GNG4: variants seen among roughly 807,000 people sequenced by gnomAD.
GNG4 encodes G protein subunit gamma 4.
A neutral mutation model predicts 5.8 loss-of-function variants in GNG4; 4 were observed. The ratio of observed to expected loss-of-function variants is 0.69; its 90% CI spans 0.34 to 1.57. GNG4 has a LOEUF of 1.57. Among genes scored for constraint, GNG4 ranks in the 40% most tolerant of loss-of-function variants. The pLI is 0.06. For synonymous variants in GNG4, 29 were observed against 32.9 expected (o/e 0.88, Z 0.41); for missense variants, 96 against 95.1 (o/e 1.01, Z -0.04).
intron 1 of GNG4, among the ~76,000 whole-genome samples, chr1:235,628,750 A>G (rs995798603): frequency 2.1e-4 from 32 of 152,192 alleles, no homozygotes; most frequent in African/African-American, 7.0e-4. Context: ...CATCAGCCCT[A>G]TTCACTTTGA....
At chr1:235,563,453 T>C (rs1466093647) in intron 3 of GNG4, among the ~76,000 whole-genome samples, 1 of 148,902 alleles carries the variant, frequency 6.7e-6, no homozygotes, top group African/African-American at 2.5e-5. Flanking sequence ...TTTATAGCCT[T>C]AATATGTTTA....
At chr1:235,565,818 T>C (rs1687179600) in intron 3 of GNG4, 1 of 152,230 alleles carries the variant, frequency 6.6e-6, no homozygotes, top group Non-Finnish European at 1.5e-5. Flanking sequence ...TGCCCAGTCG[T>C]TCCTATGGAG....
chr1:235,637,533 A>G (rs972996364), intron 1 of GNG4, among the ~76,000 whole-genome samples: 6 of 152,100 alleles, frequency 3.9e-5, no homozygotes, highest in African/African-American at 1.4e-4. Flanking sequence ...CGTGCCTGCA[A>G]TACCAGCTAC....
At chr1:235,641,773 G>C (rs1460067108) in intron 1 of GNG4, among the ~76,000 whole-genome samples, 2 of 152,122 alleles carry the variant, frequency 1.3e-5, no homozygotes, top group African/African-American at 4.8e-5. Context: ...GCTCATTTGG[G>C]AGGTCACCTT....
intron 1 of GNG4, among the ~76,000 whole-genome samples, chr1:235,628,896 G>A (rs1688876174): frequency 6.6e-6 from 1 of 151,680 alleles, no homozygotes; most frequent in Admixed American, 6.6e-5. Flanking sequence ...AGCTTCCTTT[G>A]GTTCTGAGCA....
chr1:235,594,661 G>C (rs912519505), intron 2 of GNG4, among the ~76,000 whole-genome samples: 32 of 152,206 alleles, frequency 2.1e-4, no homozygotes, highest in African/African-American at 7.5e-4. Context: ...CGGGGCTTGC[G>C]GGCCGGCCGC....
chr1:235,573,073 A>C (rs1030038913), intron 3 of GNG4, among the ~76,000 whole-genome samples: 3 of 152,126 alleles, frequency 2.0e-5, no homozygotes, highest in African/African-American at 7.2e-5. Flanking sequence ...ACTTGGAACC[A>C]ACCCAAATGT....
At chr1:235,586,211 A>G (rs1687755500) in intron 2 of GNG4, among the ~76,000 whole-genome samples, 5 of 152,196 alleles carry the variant, frequency 3.3e-5, no homozygotes, top group Admixed American at 3.3e-4. Context: ...AAGGAGAATC[A>G]CGACAAGTTG....
chr1:235,602,101 G>A (rs896147811), intron 1 of GNG4, among the ~76,000 whole-genome samples: 29 of 152,170 alleles, frequency 1.9e-4, no homozygotes, highest in Admixed American at 5.9e-4. Flanking sequence ...GTGAAACCCC[G>A]TCTCTACTAA....
At chr1:235,620,089 C>T (rs1294856277) in intron 1 of GNG4, among the ~76,000 whole-genome samples, 1 of 152,210 alleles carries the variant, frequency 6.6e-6, no homozygotes, top group South Asian at 2.1e-4. Flanking sequence ...GGAGGTTGGG[C>T]GTGGTGGCTC....
intron 1 of GNG4, among the ~76,000 whole-genome samples, chr1:235,631,289 G>A (rs1306322158): frequency 6.6e-6 from 1 of 152,176 alleles, no homozygotes; most frequent in Admixed American, 6.5e-5. Flanking sequence ...CCCCCTCAGT[G>A]GAGCCCTGAA....
At chr1:235,586,363 T>C (rs972255837) in intron 2 of GNG4, among the ~76,000 whole-genome samples, 1 of 151,724 alleles carries the variant, frequency 6.6e-6, no homozygotes, top group Admixed American at 6.6e-5. Context: ...TGCCAGTCTG[T>C]GTGTGGCCAT....
At chr1:235,607,884 G>A (rs1226113107) in intron 1 of GNG4, among the ~76,000 whole-genome samples, 1 of 151,722 alleles carries the variant, frequency 6.6e-6, no homozygotes. Flanking sequence ...GGCTGTCCAA[G>A]AAAGATGAGG....
intron 2 of GNG4, among the ~76,000 whole-genome samples, chr1:235,587,198 AG>A (rs1293556925): frequency 7.9e-6 from 1 of 126,230 alleles, no homozygotes. Context: ...TGTGTGTGAC[AG>A]AAAGTATGTG....
At chr1:235,567,344 A>T (rs1379150218) in intron 3 of GNG4, among the ~76,000 whole-genome samples, 1 of 152,184 alleles carries the variant, frequency 6.6e-6, no homozygotes, top group Non-Finnish European at 1.5e-5. Context: ...GCATCGTCTT[A>T]ACTATTTTTA....
intron 2 of GNG4, among the ~76,000 whole-genome samples, chr1:235,594,234 C>G (rs1348808343): frequency 6.6e-6 from 1 of 152,188 alleles, no homozygotes; most frequent in Non-Finnish European, 1.5e-5. Flanking sequence ...AAACCCTGAG[C>G]TAGACACAGG....
In GNG4 at chr1:235,595,969, T is replaced by A. The variant is rs544093273; in HGVS notation, c.-122-458A>T. On this transcript the variant is annotated intron_variant, in intron 1 of 3. Transcript: ENST00000391854. ...GCGGGCGGATCACGAGGTCAGGAGA[T>A]CGAGACCATCTTGGCTAACTGGGTG... Among the ~76,000 whole-genome samples, 36 of 141,114 alleles carry A rather than the reference T, an allele frequency of 2.6e-4. No individual in the cohort carries two copies. In the South Asian group the frequency reaches 8.2e-3, roughly 32 times the overall value. The allele number at this position is 141,114 out of a possible 152,430, so 92.6% of individuals were successfully genotyped here.
intron 3 of GNG4, among the ~76,000 whole-genome samples, chr1:235,575,593 C>A (rs1217249201): frequency 2.0e-5 from 3 of 152,356 alleles, no homozygotes; most frequent in Middle Eastern, 3.4e-3. Context: ...AGCACACCCA[C>A]CCCACGGATG....
chr1:235,608,996 T>G (rs190204610), intron 1 of GNG4, among the ~76,000 whole-genome samples: 60 of 152,178 alleles, frequency 3.9e-4, no homozygotes, highest in Middle Eastern at 3.4e-3. Context: ...TCAATTTTTT[T>G]TTGTTGTTGT....
Sources: gnomAD v4.1 joint callset for allele counts (sites outside exome capture counted in the v4.1 genomes callset) on GRCh38, gnomAD v4.1.1 for gene constraint, MANE v1.5 for transcripts, NCBI Gene and HGNC (gene_info 2026-07-23, HGNC 2026-07-21) for gene names.